Variants in TMCO4 observed in about 807,000 individuals in gnomAD.
TMCO4 encodes the protein transmembrane and coiled-coil domain-containing protein 4.
A neutral mutation model predicts 64.7 loss-of-function variants in TMCO4; 58 were observed. That is an observed-to-expected ratio of 0.90 (90% CI 0.73 to 1.12). The LOEUF is 1.12. TMCO4 is among the 50% of genes most tolerant of loss of function. TMCO4 has a pLI of 0.00. For missense variants in TMCO4, 780 were observed against 825.9 expected (o/e 0.94, Z 0.68); for synonymous variants, 325 against 346.1 (o/e 0.94, Z 0.68).
chr1:19,761,458 A>G (rs2042499976), intron 6 of TMCO4, among the ~76,000 whole-genome samples: 1 of 152,242 alleles, frequency 6.6e-6, no homozygotes, highest in African/African-American at 2.4e-5. Flanking sequence ...GGAAGGACCA[A>G]AGGAGCTGGT....
intron 3 of TMCO4, among the ~76,000 whole-genome samples, chr1:19,783,888 A>C (rs1232705957): frequency 1.3e-5 from 2 of 152,204 alleles, no homozygotes; most frequent in African/African-American, 4.8e-5. Flanking sequence ...CTAGGAACCC[A>C]CGTTTGAGAT....
chr1:19,795,068 T>G (rs573877368), intron 2 of TMCO4, among the ~76,000 whole-genome samples: 17 of 152,214 alleles, frequency 1.1e-4, no homozygotes, highest in African/African-American at 3.6e-4. Flanking sequence ...TTCTAGAGAT[T>G]TGTTGCACAA....
intron 13 of TMCO4, among the ~76,000 whole-genome samples, chr1:19,735,519 G>C (rs1247664550): frequency 6.6e-6 from 1 of 152,154 alleles, no homozygotes; most frequent in African/African-American, 2.4e-5. Flanking sequence ...AAAGGCTGTA[G>C]TGCAGGAACT....
intron 3 of TMCO4, among the ~76,000 whole-genome samples, chr1:19,781,651 T>C (rs1254554533): frequency 2.0e-5 from 3 of 150,162 alleles, no homozygotes; most frequent in Non-Finnish European, 4.5e-5. Flanking sequence ...CTTTTTTTTT[T>C]TTTTTTTTCT....
At chr1:19,739,769 G>C (rs2095470627) in intron 12 of TMCO4, 55 bp downstream of exon 12, 2 of 1,582,260 alleles carry the variant, frequency 1.3e-6, no homozygotes, top group African/African-American at 2.7e-5. Context: ...GAACAAGTCA[G>C]CACCTGACTT....
intron 3 of TMCO4, among the ~76,000 whole-genome samples, chr1:19,781,476 A>AT (rs1414916369): frequency 2.6e-5 from 4 of 151,548 alleles, no homozygotes; most frequent in African/African-American, 9.7e-5. Context: ...AAAAAAAAAA[A>AT]ACCCAATAGC....
chr1:19,789,963 G>A (rs1390212640), intron 2 of TMCO4, among the ~76,000 whole-genome samples: 1 of 150,784 alleles, frequency 6.6e-6, no homozygotes, highest in Non-Finnish European at 1.5e-5. Flanking sequence ...TGAGGTGGGA[G>A]AATCACTTGA....
chr1:19,699,687 G>C (rs79291004), intron 14 of TMCO4, among the ~76,000 whole-genome samples: 2 of 152,110 alleles, frequency 1.3e-5, no homozygotes, highest in East Asian at 3.9e-4. Context: ...CCACCATGCT[G>C]CCTGGCCTAC....
At chr1:19,749,567 C>T (rs1392134272) in intron 7 of TMCO4, among the ~76,000 whole-genome samples, 2 of 152,086 alleles carry the variant, frequency 1.3e-5, no homozygotes, top group Non-Finnish European at 2.9e-5. Flanking sequence ...GGGGTTTTGC[C>T]ACGTTGCCCA....
chr1:19,690,969 T>G (rs57681426), intron 15 of TMCO4, among the ~76,000 whole-genome samples: 2 of 149,594 alleles, frequency 1.3e-5, no homozygotes, highest in Non-Finnish European at 3.0e-5. Flanking sequence ...CCTGGGGTCA[T>G]GCCATTCTCC....
In TMCO4 at chr1:19,734,058, C is replaced by T. The variant is rs1467552798; in HGVS notation, c.1264+3314G>A. Reference sequence around the variant, plus strand: ...AGTGTGTGCTGTGTGGTTACTACTACTACTATTATCATCATTATTATTGGA... The same window carrying T: ...AGTGTGTGCTGTGTGGTTACTACTATTACTATTATCATCATTATTATTGGA... On this transcript the variant is annotated intron_variant, in intron 13 of 15. Coordinates refer to ENST00000294543, the MANE Select transcript of TMCO4 (RefSeq NM_181719.7). This position sits in a 1 kb window ranked among gnomAD's most constrained non-coding sequence, Gnocchi z 4.4. Among the ~76,000 whole-genome samples the T allele has an allele frequency of 6.6e-6, 1 of 152,156 alleles. No individual in the cohort carries two copies. Among genetic ancestry groups the T allele is most frequent in the African/African-American group, 2.4e-5 (1 of 41,430 alleles).
intron 13 of TMCO4, among the ~76,000 whole-genome samples, chr1:19,735,593 C>T (rs1203811779): frequency 1.3e-5 from 2 of 152,208 alleles, no homozygotes; most frequent in African/African-American, 4.8e-5. Context: ...TCCCTCTTTC[C>T]AGTTTCCAGC....
rs554953777 is a variant in TMCO4 at position 19,743,043 on chromosome 1, C to T, written c.878-2102G>A. On this transcript the variant is annotated intron_variant, in intron 10 of 15. Coordinates refer to ENST00000294543, the MANE Select transcript of TMCO4 (RefSeq NM_181719.7). The surrounding 1 kb of genome is among the most constrained non-coding windows in gnomAD (Gnocchi z 4.1). ...CCAGCCTGGTGATACAGCAAGACTC[C>T]GTCTCCAAAAGAAAATAAAAATAAA... 2.1e-4 allele frequency among the ~76,000 whole-genome samples: 32 copies of T among 151,738 alleles called. No homozygotes were observed. The South Asian group carries it at 4.2e-3, about 20-fold the overall frequency.
rs1451168375 is a variant in TMCO4, at chr1:19,718,180, A to G, written c.1265-17295T>C. Among the ~76,000 whole-genome samples the G allele has an allele frequency of 2.6e-5, 4 of 151,988 alleles. No homozygotes were observed. In the East Asian group the frequency reaches 7.7e-4, roughly 29 times the overall value. On this transcript the variant is annotated intron_variant, in intron 13 of 15. Coordinates refer to ENST00000294543, the MANE Select transcript of TMCO4 (RefSeq NM_181719.7). Reference sequence around the variant, plus strand: ...AAACCCCGTCTCTACTAAAAATACAAAAAAATTAACTGGGCATGGTGGTGG... The same window carrying G: ...AAACCCCGTCTCTACTAAAAATACAGAAAAATTAACTGGGCATGGTGGTGG...
chr1:19,732,493 C>T lies in TMCO4; in HGVS notation c.1264+4879G>A, dbSNP rs2095434154. On this transcript the variant is annotated intron_variant, in intron 13 of 15. Transcript: ENST00000294543. The surrounding 1 kb of genome is among the most constrained non-coding windows in gnomAD (Gnocchi z 4.8). ...AGTGTGTTCTTGACCAAAGTCAAGG[C>T]ACAGGATGACCAGCGTCCTTTCTCA... Among the ~76,000 whole-genome samples the T allele has an allele frequency of 6.6e-6, 1 of 152,144 alleles. No homozygotes were observed. The highest frequency in any genetic ancestry group is 1.5e-5 in the Non-Finnish European group (1 of 68,030).
At chr1:19,691,106 G>GAT (rs2095190768) in intron 15 of TMCO4, among the ~76,000 whole-genome samples, 1 of 152,088 alleles carries the variant, frequency 6.6e-6, no homozygotes, top group South Asian at 2.1e-4. Flanking sequence ...CTGACCTCGT[G>GAT]ATCTGCCCGC....
At chr1:19,730,642 G>A (rs2095426343) in intron 13 of TMCO4, among the ~76,000 whole-genome samples, 1 of 152,204 alleles carries the variant, frequency 6.6e-6, no homozygotes, top group Non-Finnish European at 1.5e-5. Flanking sequence ...GGCACCTTGG[G>A]AAGGGTGGTG....
At chr1:19,745,855 G>A (rs375941438) in intron 9 of TMCO4, among the ~76,000 whole-genome samples, 76 of 152,304 alleles carry the variant, frequency 5.0e-4, no homozygotes, top group African/African-American at 1.7e-3. Flanking sequence ...TGCTTCTGAG[G>A]CTGGCCAGCC....
intron 15 of TMCO4, among the ~76,000 whole-genome samples, chr1:19,689,163 G>A (rs531955265): frequency 1.3e-5 from 2 of 152,302 alleles, no homozygotes; most frequent in East Asian, 1.9e-4. Flanking sequence ...CCCAACAGCA[G>A]TAATGAAACC....
Sources: gnomAD v4.1 joint callset for allele counts (sites outside exome capture counted in the v4.1 genomes callset) on GRCh38, gnomAD v4.1.1 for gene constraint, Gnocchi (gnomAD v3.1) non-coding constraint, MANE v1.5 for transcripts, NCBI Gene and HGNC (gene_info 2026-07-23, HGNC 2026-07-21) for gene names.